The following DDX1 variants were observed in gnomAD, a reference collection of about 807,000 sequenced individuals.
DDX1 encodes DEAD-box helicase 1.
A neutral mutation model predicts 108.7 loss-of-function variants in DDX1; 28 were observed. The ratio of observed to expected loss-of-function variants is 0.26; its 90% CI spans 0.19 to 0.35. The LOEUF is 0.35. DDX1 is among the 10% of genes least tolerant of loss of function. DDX1 has a pLI of 1.00. For synonymous variants in DDX1, 295 were observed against 288.9 expected, an observed-to-expected ratio of 1.02 and a Z score of -0.21; for missense variants, 710 against 884.5, an observed-to-expected ratio of 0.80 and a Z score of 2.50.
chr2:15,618,286 A>G lies in DDX1; in HGVS notation c.1206+16A>G, dbSNP rs368946994. On this transcript the variant is annotated intron_variant, in intron 16 of 25. Coordinates refer to ENST00000233084, the MANE Select transcript of DDX1 (RefSeq NM_004939.3). Reference sequence around the variant, plus strand: ...AAGACTTCAGGTATAAAATTTATCAATGCATCTTAAAATGCATGTAAACAA... The same window carrying G: ...AAGACTTCAGGTATAAAATTTATCAGTGCATCTTAAAATGCATGTAAACAA... 1.2e-4 allele frequency: 152 copies of G among 1,303,700 alleles called. 1 individual carries two copies. In the South Asian group the frequency reaches 1.6e-3, roughly 13 times the overall value. 80.8% of individuals were successfully genotyped at this position (1,303,700 alleles called of 1,614,324 possible).
intron 23 of DDX1, among the ~76,000 whole-genome samples, 182 bp from the exon 24 acceptor site, chr2:15,629,420 T>G (rs1019176505): frequency 6.6e-6 from 1 of 152,314 alleles, no homozygotes; most frequent in Non-Finnish European, 1.5e-5. Context: ...AAGAACTTTT[T>G]CAGAAGACCT....
chr2:15,626,829 C>T (rs1666106306), intron 19 of DDX1, among the ~76,000 whole-genome samples: 1 of 152,116 alleles, frequency 6.6e-6, no homozygotes, highest in African/African-American at 2.4e-5. Context: ...GGAAGGGTGA[C>T]TTAAAATGCC....
intron 18 of DDX1, among the ~76,000 whole-genome samples, chr2:15,622,489 C>T (rs1278821420): frequency 1.3e-5 from 2 of 152,160 alleles, no homozygotes; most frequent in Non-Finnish European, 2.9e-5. Flanking sequence ...ACCCATTAGG[C>T]TGCATGTCTG....
chr2:15,629,478 CATACCT>C, intron 23 of DDX1, 118 bp from the exon 24 acceptor site: 3 of 656,572 alleles, frequency 4.6e-6, no homozygotes, highest in Non-Finnish European at 7.7e-6. Context: ...GATGATATAT[CATACCT>C]ATAATCTATT....
chr2:15,602,396 T>A, intron 6 of DDX1, 152 bp from the exon 7 acceptor site: 4 of 587,028 alleles, frequency 6.8e-6, no homozygotes, highest in Non-Finnish European at 1.2e-5. Context: ...CACTCAGGAA[T>A]CAGTAAGTCT....
intron 5 of DDX1, among the ~76,000 whole-genome samples, chr2:15,598,218 A>G (rs76457823): frequency 0.02 from 3,039 of 152,306 alleles, 75 homozygotes; most frequent in East Asian, 0.084. Context: ...TCATATTAAC[A>G]TATTCTTTTC....
chr2:15,630,085 C>T lies in DDX1; in HGVS notation c.2067C>T (p.Thr689=), dbSNP rs61757206. Residue 689 remains threonine, a synonymous_variant, in exon 25 of 26, where the codon ACC becomes ACT. Transcript: ENST00000233084. ...VPVDEFDGKV[T]YGQKRAAGGG... ...TGGATGAATTTGATGGGAAAGTTAC[C>T]TACGGTCAGAAAAGGGCTGCTGGTG... The T allele has an allele frequency of 3.1e-3, 5,015 of 1,613,514 alleles. 15 individuals are homozygous for T. Among genetic ancestry groups the T allele is most frequent in the Middle Eastern group, 5.0e-3 (30 of 6,054 alleles).
chr2:15,621,032 C>T (rs1043125043), intron 17 of DDX1, 33 bp from the exon 18 acceptor site: 6 of 1,437,342 alleles, frequency 4.2e-6, no homozygotes, highest in Admixed American at 3.5e-5. Context: ...TTAACCACTC[C>T]TCTATCCTGT....
Position 15,613,276 on chromosome 2 carries a change from GA to G in DDX1, c.1013del (p.Asn338MetfsTer3). On this transcript the variant is annotated frameshift_variant, in exon 14 of 26. Coordinates refer to ENST00000233084, the MANE Select transcript of DDX1 (RefSeq NM_004939.3). LOFTEE classifies it high-confidence loss of function. ...AGCCCGGGATCAGCTCTCTGTTTTG[GA>G]AAATGGAGTAAGTTGTAGTTTTAAT... Reference protein sequence around the residue: ...VAARDQLSVLENGVDIVVGTP... With the variant: ...VAARDQLSVLXNGVDIVVGTP... The G allele has an allele frequency of 6.2e-7, 1 of 1,604,354 alleles. No homozygotes were observed. Among genetic ancestry groups the G allele is most frequent in the Non-Finnish European group, 8.5e-7 (1 of 1,175,446 alleles).
chr2:15,612,703 C>T (rs548542164), intron 13 of DDX1, among the ~76,000 whole-genome samples: 1 of 152,170 alleles, frequency 6.6e-6, no homozygotes, highest in Non-Finnish European at 1.5e-5. Context: ...CCACTGCACT[C>T]CAGCCTGGGC....
intron 19 of DDX1, 22 bp from the exon 20 acceptor site, chr2:15,627,032 T>C (rs1275773638): frequency 6.6e-7 from 1 of 1,525,282 alleles, no homozygotes; most frequent in East Asian, 2.3e-5. Flanking sequence ...CAAGGTTAAA[T>C]GCTTAATGTG....
intron 14 of DDX1, among the ~76,000 whole-genome samples, chr2:15,614,100 A>T (rs996827498): frequency 1.3e-5 from 2 of 152,124 alleles, no homozygotes; most frequent in African/African-American, 2.4e-5. Context: ...GGATTACAGG[A>T]GTGAACTACT....
intron 13 of DDX1, among the ~76,000 whole-genome samples, chr2:15,611,813 C>T (rs571145715): frequency 6.1e-5 from 6 of 99,006 alleles, no homozygotes; most frequent in Non-Finnish European, 1.2e-4. Context: ...CCCTCCCGGA[C>T]GGGGCGGCTG....
At chr2:15,625,788 G>A (rs1666093106) in intron 19 of DDX1, among the ~76,000 whole-genome samples, 1 of 152,000 alleles carries the variant, frequency 6.6e-6, no homozygotes, top group Non-Finnish European at 1.5e-5. Context: ...TATAACTGAT[G>A]TACGTCAAGG....
intron 17 of DDX1, 147 bp downstream of exon 17, chr2:15,620,543 C>G (rs972918367): frequency 3.4e-5 from 19 of 561,218 alleles, no homozygotes; most frequent in African/African-American, 2.1e-4. Context: ...CTTTAAAAAG[C>G]ACTGAATAAG....
Position 15,623,557 on chromosome 2 carries a change from G to A in DDX1, c.1569G>A (p.Glu523=). The A allele has an allele frequency of 6.8e-6, 11 of 1,613,456 alleles. No homozygotes were observed. Among genetic ancestry groups the A allele is most frequent in the Non-Finnish European group, 9.3e-6 (11 of 1,179,590 alleles). Reference sequence around the variant, plus strand: ...CCAAAATTGACTGTGATAACTTGGAGCAGTACTTTATACAACAAGGAGGAG... The same window carrying A: ...CCAAAATTGACTGTGATAACTTGGAACAGTACTTTATACAACAAGGAGGAG... ...CRTKIDCDNL[E]QYFIQQGGGP... The change falls in exon 19 of 26, where the codon GAG becomes GAA. Residue 523 remains glutamate (E), a synonymous_variant. Transcript: ENST00000233084.
intron 7 of DDX1, 138 bp downstream of exon 7, chr2:15,602,769 A>T: frequency 1.6e-6 from 1 of 622,578 alleles, no homozygotes; most frequent in Non-Finnish European, 2.8e-6. Context: ...GCTGGAGGGC[A>T]GTGGTGCCAT....
At chr2:15,621,505 C>T (rs770205820) in intron 18 of DDX1, 84 of 175,748 alleles carry the variant, frequency 4.8e-4, no homozygotes, top group Non-Finnish European at 8.7e-4. Flanking sequence ...GGGGTTTCAC[C>T]ATGTTGGCCA....
chr2:15,611,734 G>A (rs867075311), intron 13 of DDX1, among the ~76,000 whole-genome samples: 13,377 of 87,378 alleles, frequency 0.15, 964 homozygotes, highest in Admixed American at 0.21. Context: ...TGGCCGGGCG[G>A]GGGGCTGACC....
Sources: gnomAD v4.1 joint callset for allele counts (sites outside exome capture counted in the v4.1 genomes callset) on GRCh38, gnomAD v4.1.1 for gene constraint, MANE v1.5 for transcripts, NCBI Gene and HGNC (gene_info 2026-07-23, HGNC 2026-07-21) for gene names.